The following RANBP3L variants were observed in gnomAD, a reference collection of about 807,000 sequenced individuals.
RANBP3L encodes ran-binding protein 3-like.
A neutral mutation model predicts 67.2 loss-of-function variants in RANBP3L; 56 were observed. That is an observed-to-expected ratio of 0.83 (90% CI 0.67 to 1.04). The LOEUF (loss-of-function observed/expected upper bound fraction) is 1.04. Among genes scored for constraint, RANBP3L ranks in the 50% least tolerant of loss-of-function variants. RANBP3L has a pLI of 0.00. For synonymous variants in RANBP3L, 164 were observed against 181.4 expected, an observed-to-expected ratio of 0.90 and a Z score of 0.77; for missense variants, 496 against 535.5, an observed-to-expected ratio of 0.93 and a Z score of 0.73.
At chr5:36,283,191 G>A (rs1170078580) in intron 1 of RANBP3L, among the ~76,000 whole-genome samples, 1 of 151,858 alleles carries the variant, frequency 6.6e-6, no homozygotes, top group Non-Finnish European at 1.5e-5. Flanking sequence ...CTGAGTAGCT[G>A]GGATTACAGG....
intron 1 of RANBP3L, among the ~76,000 whole-genome samples, chr5:36,294,363 C>T (rs1023292419): frequency 6.6e-6 from 1 of 151,902 alleles, no homozygotes; most frequent in Non-Finnish European, 1.5e-5. Context: ...CTCCTGGATT[C>T]ATTAATTTTT....
At chr5:36,280,863 T>G (rs1438504199) in intron 1 of RANBP3L, among the ~76,000 whole-genome samples, 6 of 152,152 alleles carry the variant, frequency 3.9e-5, no homozygotes, top group African/African-American at 1.4e-4. Context: ...CCATATGAAA[T>G]GCATATACCC....
At chr5:36,264,900 A>T in intron 6 of RANBP3L, 59 bp downstream of exon 6, 2 of 1,551,266 alleles carry the variant, frequency 1.3e-6, no homozygotes, top group Non-Finnish European at 1.7e-6. Context: ...GGCCCCAAAC[A>T]ACCTGCAAAA....
intron 1 of RANBP3L, among the ~76,000 whole-genome samples, chr5:36,298,462 A>G (rs1489388074): frequency 6.6e-6 from 1 of 152,258 alleles, no homozygotes; most frequent in Non-Finnish European, 1.5e-5. Context: ...GGATGATTCC[A>G]TGAATAAAGC....
intron 8 of RANBP3L, 74 bp from the exon 9 acceptor site, chr5:36,257,630 A>T (rs1749087884): frequency 3.2e-6 from 2 of 627,412 alleles, no homozygotes; most frequent in Non-Finnish European, 5.4e-6. Context: ...TTGCAGTAAG[A>T]CACTTCCGTT....
intron 1 of RANBP3L, among the ~76,000 whole-genome samples, chr5:36,298,058 T>C (rs1280953725): frequency 6.6e-6 from 1 of 151,960 alleles, no homozygotes; most frequent in East Asian, 1.9e-4. Flanking sequence ...CCCAGCACTT[T>C]GGGAGGCCGA....
At chr5:36,252,988 G>A (rs918432211) in intron 12 of RANBP3L, among the ~76,000 whole-genome samples, 6 of 151,926 alleles carry the variant, frequency 3.9e-5, no homozygotes, top group African/African-American at 1.4e-4. Flanking sequence ...TCAGTCCATG[G>A]GGAAATCCAG....
intron 6 of RANBP3L, among the ~76,000 whole-genome samples, chr5:36,262,952 AGTAAG>A (rs1411241973): frequency 6.6e-6 from 1 of 152,234 alleles, no homozygotes; most frequent in Non-Finnish European, 1.5e-5. Context: ...ATCTATACAT[AGTAAG>A]TAACCATTGA....
At chr5:36,250,689 A>G (rs1421552175) in intron 13 of RANBP3L, among the ~76,000 whole-genome samples, 5 of 152,112 alleles carry the variant, frequency 3.3e-5, no homozygotes, top group Admixed American at 2.0e-4. Context: ...TATGTTTGAC[A>G]TTGTTTTTCT....
At chr5:36,256,748 G>T in intron 10 of RANBP3L, 193 bp downstream of exon 10, 1 of 554,666 alleles carries the variant, frequency 1.8e-6, no homozygotes, top group Non-Finnish European at 3.1e-6. Flanking sequence ...TTTCCTGCCA[G>T]GTACACATAC....
Position 36,249,655 on chromosome 5 carries a change from C to T in RANBP3L, c.1397G>A (p.Ter466=). The T allele has an allele frequency of 6.5e-7, 1 of 1,547,342 alleles. No individual in the cohort carries two copies. The highest frequency in any genetic ancestry group is 8.8e-7 in the Non-Finnish European group (1 of 1,132,430). The part of the protein sequence containing the change: ...WTHRQSVACS[*] Reference sequence around the variant, plus strand: ...TGTCATGTTTATAGTAGGTAGTATTCATGAACAGGCAACCGACTGTCTGTG... The same window carrying T: ...TGTCATGTTTATAGTAGGTAGTATTTATGAACAGGCAACCGACTGTCTGTG... The change falls in exon 14 of 14, where the codon TGA becomes TAA. Residue 466 remains the stop codon, a stop_retained_variant. Coordinates refer to ENST00000296604, the MANE Select transcript of RANBP3L (RefSeq NM_145000.5).
At chr5:36,254,376 C>A (rs1748815481) in intron 11 of RANBP3L, among the ~76,000 whole-genome samples, 2 of 151,962 alleles carry the variant, frequency 1.3e-5, no homozygotes, top group African/African-American at 4.8e-5. Flanking sequence ...GAAGATAGGC[C>A]TTTAAGTGAC....
chr5:36,269,353 A>C lies in RANBP3L; in HGVS notation c.268+37T>G, dbSNP rs185398861. Reference sequence around the variant, plus strand: ...CAGTAATTTTGCATTCAGAATAAACATAACAGTGAATAGTCAACAGTCAAG... The same window carrying C: ...CAGTAATTTTGCATTCAGAATAAACCTAACAGTGAATAGTCAACAGTCAAG... On this transcript the variant is annotated intron_variant, in intron 4 of 13. Coordinates refer to ENST00000296604, the MANE Select transcript of RANBP3L (RefSeq NM_145000.5). 7 of 1,192,042 alleles carry C rather than the reference A, an allele frequency of 5.9e-6. No individual in the cohort carries two copies. In the Admixed American group the frequency reaches 1.3e-4, roughly 22 times the overall value. The allele number at this position is 1,192,042 out of a possible 1,614,324, so 73.8% of individuals were successfully genotyped here.
Position 36,301,492 on chromosome 5 carries a change from C to T in RANBP3L, c.-76G>A. 1 of 998,154 alleles carries T rather than the reference C, an allele frequency of 1.0e-6. No homozygotes were observed. The highest frequency in any genetic ancestry group is 1.3e-5 in the South Asian group (1 of 77,900). 61.8% of individuals were successfully genotyped at this position (998,154 alleles called of 1,614,324 possible). On this transcript the variant is annotated 5_prime_UTR_variant, in exon 1 of 14. Transcript: ENST00000296604. The stretch of plus-strand genomic sequence containing the variant: ...CTGGCCAGTCACCTAAAGTGGCCTT[C>T]ACCAGACACCCAGAAATACATAGAT...
chr5:36,262,929 C>T (rs940836759), intron 6 of RANBP3L, among the ~76,000 whole-genome samples: 7 of 151,992 alleles, frequency 4.6e-5, no homozygotes, highest in Admixed American at 3.3e-4. Context: ...GTTATTTAGG[C>T]ATATATTGTT....
At position 36,246,928 on chromosome 5, in the gene RANBP3L, C is replaced by T. The variant is rs1038607962; in HGVS notation, c.*2726G>A. On this transcript the variant is annotated 3_prime_UTR_variant, in exon 14 of 14. Transcript: ENST00000296604. Reference sequence around the variant, plus strand: ...GAAAATAATATTTTTTAAGAGAGAACATTTTAATTGTCTATAATTAGGGTA... The same window carrying T: ...GAAAATAATATTTTTTAAGAGAGAATATTTTAATTGTCTATAATTAGGGTA... Among the ~76,000 whole-genome samples, 10 of 152,110 alleles carry T rather than the reference C, an allele frequency of 6.6e-5. No homozygotes were observed. The highest frequency in any genetic ancestry group is 5.8e-4 in the East Asian group (3 of 5,200).
chr5:36,281,381 A>T (rs1750959072), intron 1 of RANBP3L, among the ~76,000 whole-genome samples: 1 of 152,210 alleles, frequency 6.6e-6, no homozygotes, highest in African/African-American at 2.4e-5. Context: ...TCATGAGAGA[A>T]CTAAGGCTCT....
chr5:36,287,123 C>T (rs998479968), intron 1 of RANBP3L, among the ~76,000 whole-genome samples: 2 of 152,050 alleles, frequency 1.3e-5, no homozygotes, highest in African/African-American at 4.8e-5. Context: ...ATAAAGAGCA[C>T]GCAACCTAGA....
intron 1 of RANBP3L, among the ~76,000 whole-genome samples, chr5:36,278,495 T>C (rs1445591764): frequency 6.6e-6 from 1 of 152,106 alleles, no homozygotes; most frequent in African/African-American, 2.4e-5. Context: ...TAGAGCACAT[T>C]CAGATTTCTG....
Sources: gnomAD v4.1 joint callset for allele counts (sites outside exome capture counted in the v4.1 genomes callset) on GRCh38, gnomAD v4.1.1 for gene constraint, MANE v1.5 for transcripts, NCBI Gene and HGNC (gene_info 2026-07-23, HGNC 2026-07-21) for gene names.